PGR: variants seen among roughly 807,000 people sequenced by gnomAD.
PGR encodes progesterone receptor, also known as nuclear receptor subfamily 3 group C member 3.
In PGR, 25 loss-of-function variants were observed where a neutral mutation model predicts 76.1. That is an observed-to-expected ratio of 0.33 (90% CI 0.24 to 0.46). PGR has a LOEUF of 0.46. Ranked by LOEUF, PGR falls within the 20% of genes least tolerant of loss-of-function variation. The pLI is 1.00. For missense variants in PGR, 1,172 were observed against 1,225.3 expected, an observed-to-expected ratio of 0.96 and a Z score of 0.65; for synonymous variants, 579 against 535.0, an observed-to-expected ratio of 1.08 and a Z score of -1.14.
chr11:101,119,499 A>AC (rs1466213190), intron 2 of PGR, among the ~76,000 whole-genome samples: 18 of 152,336 alleles, frequency 1.2e-4, no homozygotes, highest in African/African-American at 4.3e-4. Flanking sequence ...CTTGATCACA[A>AC]ATGGTCATCT....
At chr11:101,102,844 G>A (rs1247005059) in intron 2 of PGR, among the ~76,000 whole-genome samples, 3 of 143,326 alleles carry the variant, frequency 2.1e-5, no homozygotes, top group Non-Finnish European at 4.6e-5. Flanking sequence ...ATTTTCCACG[G>A]ACTGGGGGCA....
intron 2 of PGR, among the ~76,000 whole-genome samples, chr11:101,119,511 G>T (rs369294198): frequency 2.6e-5 from 4 of 152,076 alleles, no homozygotes; most frequent in African/African-American, 9.7e-5. Context: ...TGGTCATCTC[G>T]TCTTTGCACA....
intron 4 of PGR, among the ~76,000 whole-genome samples, chr11:101,057,306 G>A (rs765912828): frequency 2.3e-4 from 35 of 152,184 alleles, no homozygotes; most frequent in Middle Eastern, 3.4e-3. Flanking sequence ...CTGCCAGGTA[G>A]GAAAAATAAT....
In PGR at chr11:101,051,452, A is replaced by G; in HGVS notation, c.2329T>C (p.Tyr777His). The change falls in exon 5 of 8, where the codon TAT becomes CAT. Residue 777 changes from tyrosine to histidine, a missense_variant. Around this residue, in one of 4 missense-constraint regions of PGR, gnomAD observed 166 missense variants for 296.0 expected, o/e 0.56. Coordinates refer to ENST00000325455, the MANE Select transcript of PGR (RefSeq NM_000926.4). ...TTTAGTATTAGATCAGGTGCAAAAT[A>G]CAGCATCTGCCCACTGACGTGTTTG... ...SYKHVSGQML[Y>H]FAPDLILNEQ... 1 of 1,610,034 alleles carries G rather than the reference A, an allele frequency of 6.2e-7. No homozygotes were observed. Among genetic ancestry groups the G allele is most frequent in the Non-Finnish European group, 8.5e-7 (1 of 1,176,608 alleles).
Position 101,128,993 on chromosome 11 carries a change from T to A in PGR, c.78A>T (p.Pro26=), listed in dbSNP as rs769437414. 8 of 1,592,104 alleles carry A rather than the reference T, an allele frequency of 5.0e-6. No individual in the cohort carries two copies. The South Asian group carries it at 9.2e-5, about 18-fold the overall frequency. ...GACCTGCGGCTGGGCGACACAGCAGTGGGGATCCGACCTCGGGGGAGGGCG... is the reference window on the plus strand; with the variant it reads ...GACCTGCGGCTGGGCGACACAGCAGAGGGGATCCGACCTCGGGGGAGGGCG... ...GGPPSPEVGS[P]LLCRPAAGPF... The change falls in exon 1 of 8, where the codon CCA becomes CCT. Residue 26 remains proline (P), a synonymous_variant. Coordinates refer to ENST00000325455, the MANE Select transcript of PGR (RefSeq NM_000926.4).
chr11:101,059,102 T>C (rs1218883922), intron 4 of PGR, among the ~76,000 whole-genome samples: 1 of 152,002 alleles, frequency 6.6e-6, no homozygotes, highest in Admixed American at 6.6e-5. Flanking sequence ...ACCTATCTCA[T>C]GCTTTTCTTA....
intron 2 of PGR, among the ~76,000 whole-genome samples, chr11:101,111,978 A>AAAATC (rs1424744337): frequency 1.3e-5 from 2 of 152,232 alleles, no homozygotes; most frequent in East Asian, 3.8e-4. Flanking sequence ...GCTAGTGAGG[A>AAAATC]AAATCAAGAG....
intron 3 of PGR, among the ~76,000 whole-genome samples, chr11:101,077,967 G>A (rs570546339): frequency 2.0e-5 from 3 of 152,294 alleles, no homozygotes; most frequent in Admixed American, 6.5e-5. Context: ...TTTGTTCTTA[G>A]GGTATTAAAG....
At chr11:101,085,504 TAACATCAC>T (rs1343628287) in intron 3 of PGR, among the ~76,000 whole-genome samples, 1 of 81,084 alleles carries the variant, frequency 1.2e-5, no homozygotes, top group Non-Finnish European at 2.3e-5. Context: ...ATTAATGACC[TAACATCAC>T]ACCTAGAGGA....
intron 3 of PGR, among the ~76,000 whole-genome samples, chr11:101,069,173 A>C (rs1201523211): frequency 6.8e-6 from 1 of 147,964 alleles, no homozygotes; most frequent in Non-Finnish European, 1.5e-5. Flanking sequence ...AATTTACAAG[A>C]AAAAAAAAAC....
chr11:101,128,834 C>CG lies in PGR; in HGVS notation c.236dup (p.Leu80AlafsTer12). The stretch of plus-strand genomic sequence containing the variant: ...AATATGCGCCCTCCACGTCCGACAG[C>CG]GACTGCTGGTCCTGCGTCTTTTCGT... On this transcript the variant is annotated frameshift_variant, in exon 1 of 8. Transcript: ENST00000325455. LOFTEE classifies it high-confidence loss of function. 1 of 1,614,160 alleles carries CG rather than the reference C, an allele frequency of 6.2e-7. No homozygotes were observed. Among genetic ancestry groups the CG allele is most frequent in the South Asian group, 1.1e-5 (1 of 91,088 alleles).
In PGR at chr11:101,128,192, G is replaced by A. The variant is rs777290681; in HGVS notation, c.879C>T (p.Arg293=). Residue 293 remains arginine, a synonymous_variant, in exon 1 of 8, where the codon CGC becomes CGT. Coordinates refer to ENST00000325455, the MANE Select transcript of PGR (RefSeq NM_000926.4). ...VEQDAPMAPG[R]SPLATTVMDF... is the part of the protein sequence containing the mutation. ...CCATCACCGTGGTGGCCAGCGGGGA[G>A]CGCCCGGGCGCCATCGGCGCGTCCT... 12 of 1,598,426 alleles carry A rather than the reference G, an allele frequency of 7.5e-6. No individual in the cohort carries two copies. The East Asian group carries it at 2.2e-4, about 30-fold the overall frequency.
Position 101,128,305 on chromosome 11 carries a change from C to A in PGR, c.766G>T (p.Val256Phe). Residue 256 changes from valine (V) to phenylalanine (F), a missense_variant, in exon 1 of 8, where the codon GTC becomes TTC. Coordinates refer to ENST00000325455, the MANE Select transcript of PGR (RefSeq NM_000926.4). ...GAAAGGGAAA[V>F]PPGAAAGGVA... Reference sequence around the variant, plus strand: ...CCTCCTGCTGCCGCCCCCGGCGGGACAGCCGCGGCTCCTCCTCCAGCCGCC... The same window carrying A: ...CCTCCTGCTGCCGCCCCCGGCGGGAAAGCCGCGGCTCCTCCTCCAGCCGCC... The A allele has an allele frequency of 6.3e-7, 1 of 1,593,532 alleles. No homozygotes were observed. Among genetic ancestry groups the A allele is most frequent in the Non-Finnish European group, 8.5e-7 (1 of 1,176,092 alleles).
Position 101,127,718 on chromosome 11 carries a change from C to T in PGR, c.1353G>A (p.Ala451=), listed in dbSNP as rs1862908888. The change falls in exon 1 of 8, where the codon GCG becomes GCA. Residue 451 remains alanine, a synonymous_variant. Coordinates refer to ENST00000325455, the MANE Select transcript of PGR (RefSeq NM_000926.4). ...ACTCCAGGGTCGACCCCGAGGAGGA[C>T]GCAGACGAGACTGAGGCACTGGCGG... ...AAPASASVSS[A]SSSGSTLECI... 11 of 1,585,304 alleles carry T rather than the reference C, an allele frequency of 6.9e-6. No homozygotes were observed. The South Asian group carries it at 1.0e-4, about 15-fold the overall frequency.
chr11:101,078,716 C>T (rs947566016), intron 3 of PGR, among the ~76,000 whole-genome samples: 3 of 152,096 alleles, frequency 2.0e-5, no homozygotes, highest in African/African-American at 7.2e-5. Flanking sequence ...AAAACATAGC[C>T]ACGGAAGCAG....
chr11:101,096,230 A>G (rs1861827147), intron 2 of PGR, among the ~76,000 whole-genome samples: 1 of 152,194 alleles, frequency 6.6e-6, no homozygotes, highest in South Asian at 2.1e-4. Context: ...AGGGGTTGGC[A>G]CGACTCATAT....
At chr11:101,050,810 G>A in intron 5 of PGR, 1 of 160,132 alleles carries the variant, frequency 6.2e-6, no homozygotes, top group Non-Finnish European at 1.4e-5. Context: ...GAAGAATGCT[G>A]ATTCCTTACT....
chr11:101,061,061 T>G (rs1165136328), intron 4 of PGR, among the ~76,000 whole-genome samples: 1 of 152,028 alleles, frequency 6.6e-6, no homozygotes, highest in African/African-American at 2.4e-5. Flanking sequence ...ATAAACTATA[T>G]CAACAAAAAC....
chr11:101,085,367 TA>T (rs57854947), intron 3 of PGR, among the ~76,000 whole-genome samples: 88,720 of 149,900 alleles, frequency 0.59, 26,807 homozygotes, highest in Non-Finnish European at 0.64. Context: ...AAGGCAGAAA[TA>T]AAAAAAAATT....
Sources: gnomAD v4.1 joint callset for allele counts (sites outside exome capture counted in the v4.1 genomes callset) on GRCh38, gnomAD v4.1.1 for gene constraint, gnomAD v4.1.1 regional missense constraint, MANE v1.5 for transcripts, NCBI Gene and HGNC (gene_info 2026-07-23, HGNC 2026-07-21) for gene names.